The following B3GAT2 variants were observed in gnomAD, a reference collection of about 807,000 sequenced individuals.
B3GAT2 encodes beta-1,3-glucuronyltransferase 2, also known as galactosylgalactosylxylosylprotein 3-beta-glucuronosyltransferase 2.
B3GAT2 carries 26 observed loss-of-function variants against 27.8 expected under a neutral mutation model. That is an observed-to-expected ratio of 0.93 (90% confidence interval 0.68 to 1.30). The LOEUF (loss-of-function observed/expected upper bound fraction) is 1.30, where lower values mean the gene tolerates loss of function less well. Among genes scored for constraint, B3GAT2 ranks in the 50% most tolerant of loss-of-function variants. The pLI is 0.00. For synonymous variants in B3GAT2, 218 were observed against 195.1 expected, an observed-to-expected ratio of 1.12 and a Z score of -0.98; for missense variants, 458 against 459.0, an observed-to-expected ratio of 1.00 and a Z score of 0.02.
chr6:70,895,273 C>A (rs193233784), intron 1 of B3GAT2, among the ~76,000 whole-genome samples: 1 of 151,882 alleles, frequency 6.6e-6, no homozygotes, highest in South Asian at 2.1e-4. Flanking sequence ...CTTTTATTTG[C>A]TATAGAACTG....
At chr6:70,899,644 C>A (rs1233061999) in intron 1 of B3GAT2, among the ~76,000 whole-genome samples, 1 of 152,206 alleles carries the variant, frequency 6.6e-6, no homozygotes, top group Non-Finnish European at 1.5e-5. Context: ...ATGCAGAATG[C>A]TTCATCACAG....
At chr6:70,941,101 A>G (rs577369748) in intron 1 of B3GAT2, among the ~76,000 whole-genome samples, 2 of 152,092 alleles carry the variant, frequency 1.3e-5, no homozygotes, top group African/African-American at 2.4e-5. Context: ...GTAATACCCA[A>G]TGGTGTAATT....
chr6:70,860,309 C>T lies in B3GAT2; in HGVS notation c.*1354G>A. 1 of 1,612,730 alleles carries T rather than the reference C, an allele frequency of 6.2e-7. No individual in the cohort carries two copies. The highest frequency in any genetic ancestry group is 8.5e-7 in the Non-Finnish European group (1 of 1,179,588). Reference sequence around the variant, plus strand: ...TGGTCTGGAAGCTCATCAGGTCAGACTCTCAGCACACAACTGTGGAAATGA... The same window carrying T: ...TGGTCTGGAAGCTCATCAGGTCAGATTCTCAGCACACAACTGTGGAAATGA... On this transcript the variant is annotated 3_prime_UTR_variant, in exon 4 of 4. Coordinates refer to ENST00000230053, the MANE Select transcript of B3GAT2 (RefSeq NM_080742.3).
In B3GAT2 at chr6:70,860,425, T is replaced by G; in HGVS notation, c.*1238A>C. The G allele has an allele frequency of 6.8e-7, 1 of 1,469,598 alleles. No individual in the cohort carries two copies. The highest frequency in any genetic ancestry group is 9.1e-7 in the Non-Finnish European group (1 of 1,096,064). 91.0% of individuals were successfully genotyped at this position (1,469,598 alleles called of 1,614,324 possible). On this transcript the variant is annotated 3_prime_UTR_variant, in exon 4 of 4. Coordinates refer to ENST00000230053, the MANE Select transcript of B3GAT2 (RefSeq NM_080742.3). Reference sequence around the variant, plus strand: ...CCCTGTTTATTCATATGCATATTTTTTTTCTTTTTACCCATTTGTTCATAT... The same window carrying G: ...CCCTGTTTATTCATATGCATATTTTGTTTCTTTTTACCCATTTGTTCATAT...
chr6:70,956,339 C>T lies in B3GAT2; in HGVS notation c.91G>A (p.Val31Met), dbSNP rs1451816986. 1.4e-5 allele frequency: 22 copies of T among 1,573,528 alleles called. No individual in the cohort carries two copies. Among genetic ancestry groups the T allele is most frequent in the Middle Eastern group, 1.7e-4 (1 of 6,030 alleles). The change falls in exon 1 of 4, where the codon GTG becomes ATG. Residue 31 changes from valine (V) to methionine (M), a missense_variant. By Grantham distance (21) the Val-to-Met change is conservative (BLOSUM62 1). Coordinates refer to ENST00000230053, the MANE Select transcript of B3GAT2 (RefSeq NM_080742.3). Reference sequence around the variant, plus strand: ...TAGGGGCGCGGGGTGAGCGGGGGCACTGGCCTGCGCGTGTCCACGTCGAGC... The same window carrying T: ...TAGGGGCGCGGGGTGAGCGGGGGCATTGGCCTGCGCGTGTCCACGTCGAGC... ...IMLDVDTRRP[V>M]PPLTPRPYFS...
At chr6:70,925,895 T>C (rs1191976864) in intron 1 of B3GAT2, among the ~76,000 whole-genome samples, 1 of 152,174 alleles carries the variant, frequency 6.6e-6, no homozygotes, top group African/African-American at 2.4e-5. Flanking sequence ...CACCTCCCAG[T>C]AGGGGCCGAC....
chr6:70,943,427 C>T (rs1056050298), intron 1 of B3GAT2, among the ~76,000 whole-genome samples: 8 of 152,264 alleles, frequency 5.3e-5, no homozygotes, highest in African/African-American at 1.9e-4. Flanking sequence ...TTGGCTCAGG[C>T]CCCCAGCTCC....
rs1020673677 is a variant in B3GAT2 at position 70,956,740 on chromosome 6, G to C, written c.-311C>G. ...GCCGCCGGTCCCGGAGTTGTGCCGAGTGCGGGAAAGGCGCTGATCCCCACC... is the reference window on the plus strand; with the variant it reads ...GCCGCCGGTCCCGGAGTTGTGCCGACTGCGGGAAAGGCGCTGATCCCCACC... On this transcript the variant is annotated 5_prime_UTR_variant, in exon 1 of 4. Coordinates refer to ENST00000230053, the MANE Select transcript of B3GAT2 (RefSeq NM_080742.3). 1 of 1,284,326 alleles carries C rather than the reference G, an allele frequency of 7.8e-7. No homozygotes were observed. The highest frequency in any genetic ancestry group is 9.9e-7 in the Non-Finnish European group (1 of 1,013,608). The allele number at this position is 1,284,326 out of a possible 1,614,324, so 79.6% of individuals were successfully genotyped here.
chr6:70,869,868 G>A (rs916471015), intron 2 of B3GAT2, among the ~76,000 whole-genome samples: 1 of 152,070 alleles, frequency 6.6e-6, no homozygotes, highest in African/African-American at 2.4e-5. Context: ...TTAGAATGGT[G>A]ATCATTAAAA....
chr6:70,893,401 C>A (rs577329769), intron 2 of B3GAT2, among the ~76,000 whole-genome samples: 1 of 140,276 alleles, frequency 7.1e-6, no homozygotes, highest in Non-Finnish European at 1.6e-5. Context: ...TAGATGTCAC[C>A]GAATTTTTTT....
chr6:70,894,284 G>C lies in B3GAT2; in HGVS notation c.592-12C>G. On this transcript the variant is annotated splice_polypyrimidine_tract_variant and intron_variant, in intron 1 of 3. Transcript: ENST00000230053. ...CGGGTGGTTCGCATCTATAAAAAGG[G>C]AAAAGACATGTGTTTTAAGTTTCCT... 6.4e-7 allele frequency: 1 copy of C among 1,565,814 alleles called. No individual in the cohort carries two copies. The highest frequency in any genetic ancestry group is 8.7e-7 in the Non-Finnish European group (1 of 1,155,734).
chr6:70,956,783 T>A lies in B3GAT2; in HGVS notation c.-354A>T. 9.0e-7 allele frequency: 1 copy of A among 1,115,814 alleles called. No individual in the cohort carries two copies. Among genetic ancestry groups the A allele is most frequent in the Non-Finnish European group, 1.1e-6 (1 of 913,192 alleles). The allele number at this position is 1,115,814 out of a possible 1,614,324, so 69.1% of individuals were successfully genotyped here. A position where few individuals can be genotyped will look rare whatever the true frequency, so the allele number is the denominator to read the frequency against. The stretch of plus-strand genomic sequence containing the variant: ...TCCCCACCGCGCTCTTTCTGAAGAG[T>A]GGAAGCCGAGAAGCGGCACCCGGTG... On this transcript the variant is annotated 5_prime_UTR_variant, in exon 1 of 4. Transcript: ENST00000230053.
At chr6:70,880,125 TAG>T (rs573615103) in intron 2 of B3GAT2, among the ~76,000 whole-genome samples, 3 of 149,802 alleles carry the variant, frequency 2.0e-5, no homozygotes, top group Admixed American at 6.6e-5. Flanking sequence ...GCAGAGGAGG[TAG>T]AGAGAGAGAC....
chr6:70,871,208 GT>G lies in B3GAT2; in HGVS notation c.737-9231del, dbSNP rs1189234314. 2.1e-3 allele frequency among the ~76,000 whole-genome samples: 170 copies of G among 81,148 alleles called. 4 individuals carry two copies. Among genetic ancestry groups the G allele is most frequent in the East Asian group, 6.7e-3 (19 of 2,832 alleles). 53.2% of individuals were successfully genotyped at this position (81,148 alleles called of 152,430 possible). ...ATTCAAAAGGGATATAGGTCTGTCT[GT>G]TTTTTTTTTTTTGTTTTTTTTTTTT... On this transcript the variant is annotated intron_variant, in intron 2 of 3. Transcript: ENST00000230053.
Position 70,859,614 on chromosome 6 carries a change from T to TAAGAG in B3GAT2, c.*2044_*2048dup. On this transcript the variant is annotated 3_prime_UTR_variant, in exon 4 of 4. Coordinates refer to ENST00000230053, the MANE Select transcript of B3GAT2 (RefSeq NM_080742.3). ...CTTCTCTTATCACCAATTTTGGAAG[T>TAAGAG]AAGAGAATCACAGGGTTAAGATGCT... 1 of 387,848 alleles carries TAAGAG rather than the reference T, an allele frequency of 2.6e-6. No homozygotes were observed. The highest frequency in any genetic ancestry group is 4.6e-6 in the Non-Finnish European group (1 of 217,666). 24.0% of individuals were successfully genotyped at this position (387,848 alleles called of 1,614,324 possible).
intron 1 of B3GAT2, among the ~76,000 whole-genome samples, chr6:70,931,842 A>G (rs1375066097): frequency 6.6e-6 from 1 of 152,170 alleles, no homozygotes; most frequent in Non-Finnish European, 1.5e-5. Context: ...ACAATCAACA[A>G]AATAAAAAGG....
At chr6:70,932,314 G>A (rs555846745) in intron 1 of B3GAT2, among the ~76,000 whole-genome samples, 4 of 152,212 alleles carry the variant, frequency 2.6e-5, no homozygotes, top group East Asian at 3.9e-4. Context: ...CCAAAAGAAC[G>A]GAAAGCAGGG....
At chr6:70,914,874 A>C (rs958752054) in intron 1 of B3GAT2, among the ~76,000 whole-genome samples, 1 of 152,168 alleles carries the variant, frequency 6.6e-6, no homozygotes, top group Non-Finnish European at 1.5e-5. Context: ...ATATGTGTGC[A>C]TGTGTCCTTA....
At chr6:70,892,383 T>C (rs1772304446) in intron 2 of B3GAT2, among the ~76,000 whole-genome samples, 1 of 152,198 alleles carries the variant, frequency 6.6e-6, no homozygotes, top group Admixed American at 6.5e-5. Flanking sequence ...CTACATAAAG[T>C]TCCTAGATTA....
Sources: gnomAD v4.1 joint callset for allele counts (sites outside exome capture counted in the v4.1 genomes callset) on GRCh38, gnomAD v4.1.1 for gene constraint, MANE v1.5 for transcripts, NCBI Gene and HGNC (gene_info 2026-07-23, HGNC 2026-07-21) for gene names.